The following ZBTB20 variants were observed in gnomAD, a reference collection of about 807,000 sequenced individuals.
The protein encoded by ZBTB20 is zinc finger and BTB domain containing 20.
ZBTB20 carries 9 observed loss-of-function variants against 56.9 expected under a neutral mutation model. The observed-to-expected ratio is 0.16, with a 90% CI of 0.10 to 0.28. ZBTB20 has a LOEUF of 0.28. Ranked by LOEUF, ZBTB20 falls within the 10% of genes least tolerant of loss-of-function variation. The pLI, the probability that ZBTB20 is intolerant of heterozygous loss-of-function variation, is 1.00. For missense variants in ZBTB20, 655 were observed against 1,003.0 expected (o/e 0.65, Z 4.69); for synonymous variants, 417 against 420.7 (o/e 0.99, Z 0.11).
At chr3:114,536,039 C>G (rs1340958243) in intron 6 of ZBTB20, among the ~76,000 whole-genome samples, 1 of 152,064 alleles carries the variant, frequency 6.6e-6, no homozygotes, top group African/African-American at 2.4e-5. Flanking sequence ...ACAGCCAATA[C>G]CATACTGAAT....
intron 10 of ZBTB20, among the ~76,000 whole-genome samples, chr3:114,360,935 A>G (rs2081802833): frequency 6.6e-6 from 1 of 152,184 alleles, no homozygotes; most frequent in East Asian, 1.9e-4. Context: ...GTGCTGTCAG[A>G]TAGAACTCAA....
Position 114,337,108 on chromosome 3 carries a change from T to A in ZBTB20, c.*1897A>T, listed in dbSNP as rs1317156131. ...AATGGTGGCTGTTGGCATCTGGGAA[T>A]TTTTTTGTTAATTTCCCTAAAACCT... is the stretch of plus-strand genomic sequence containing the variant. On this transcript the variant is annotated 3_prime_UTR_variant, in exon 12 of 12. Coordinates refer to ENST00000675478, the MANE Select transcript of ZBTB20 (RefSeq NM_001348800.3). The A allele has an allele frequency of 6.6e-6, 1 of 152,228 alleles. No homozygotes were observed. Among genetic ancestry groups the A allele is most frequent in the East Asian group, 1.9e-4 (1 of 5,198 alleles). 9.4% of individuals were successfully genotyped at this position (152,228 alleles called of 1,614,324 possible). A position where few individuals can be genotyped will look rare whatever the true frequency, so the allele number is the denominator to read the frequency against.
chr3:114,377,610 G>A (rs1435642409), intron 10 of ZBTB20, among the ~76,000 whole-genome samples: 1 of 152,136 alleles, frequency 6.6e-6, no homozygotes, highest in Non-Finnish European at 1.5e-5. Context: ...TTACAACCCA[G>A]TCACCAATAT....
intron 7 of ZBTB20, among the ~76,000 whole-genome samples, chr3:114,446,686 A>G (rs2091291807): frequency 6.6e-6 from 1 of 152,142 alleles, no homozygotes; most frequent in Non-Finnish European, 1.5e-5. Context: ...ATCTTCTGAG[A>G]AGCCGGCCTG....
intron 5 of ZBTB20, among the ~76,000 whole-genome samples, chr3:114,753,438 C>CGTATATATATAT (rs1560210058): frequency 1.9e-4 from 2 of 10,564 alleles, no homozygotes; most frequent in Admixed American, 1.8e-3. Flanking sequence ...TATATACACA[C>CGTATATATATAT]ACACTTTTTT....
At chr3:114,726,177 A>G (rs530489603) in intron 5 of ZBTB20, among the ~76,000 whole-genome samples, 1 of 152,292 alleles carries the variant, frequency 6.6e-6, no homozygotes, top group East Asian at 1.9e-4. Context: ...TGAATGGATA[A>G]TGCAGGAGAG....
chr3:114,678,571 T>C (rs2061775325), intron 6 of ZBTB20, among the ~76,000 whole-genome samples: 1 of 152,184 alleles, frequency 6.6e-6, no homozygotes, highest in Non-Finnish European at 1.5e-5. Flanking sequence ...CATGTATACG[T>C]CGCAGAATCA....
chr3:114,945,942 A>C (rs1426485910), intron 3 of ZBTB20, among the ~76,000 whole-genome samples: 1 of 145,500 alleles, frequency 6.9e-6, no homozygotes, highest in Non-Finnish European at 1.5e-5. Context: ...AAGAGCATTA[A>C]ATAATACTAG....
Position 114,350,695 on chromosome 3 carries a change from C to A in ZBTB20, c.1383G>T (p.Ser461=). ...SSDKSVLQQP[S]VNTSIGQPLP... ...ATGGCTGCCCGATGGACGTGTTGAC[C>A]GAAGGCTGTTGTAGGACGCTCTTGT... The change falls in exon 11 of 12, where the codon TCG becomes TCT. Residue 461 remains serine (S), a synonymous_variant. Transcript: ENST00000675478. The A allele has an allele frequency of 1.2e-6, 2 of 1,614,166 alleles. No homozygotes were observed. Among genetic ancestry groups the A allele is most frequent in the Non-Finnish European group, 1.7e-6 (2 of 1,180,028 alleles).
intron 2 of ZBTB20, among the ~76,000 whole-genome samples, chr3:115,053,094 C>T (rs1332686032): frequency 6.6e-6 from 1 of 152,106 alleles, no homozygotes; most frequent in African/African-American, 2.4e-5. Context: ...AGTAATTCCC[C>T]CTGAACTAAA....
At chr3:114,996,078 T>C (rs1304514110) in intron 2 of ZBTB20, among the ~76,000 whole-genome samples, 2 of 151,846 alleles carry the variant, frequency 1.3e-5, no homozygotes, top group Non-Finnish European at 2.9e-5. Context: ...GTAAATAAGA[T>C]AGCAATTATC....
rs367655548 is a variant in ZBTB20 at position 114,896,474 on chromosome 3, C to T, written c.-417+3830G>A. 1.1e-4 allele frequency among the ~76,000 whole-genome samples: 16 copies of T among 152,124 alleles called. No homozygotes were observed. In the South Asian group the frequency reaches 1.2e-3, roughly 12 times the overall value. On this transcript the variant is annotated intron_variant, in intron 4 of 11. Coordinates refer to ENST00000675478, the MANE Select transcript of ZBTB20 (RefSeq NM_001348800.3). ...ACATGGATGAATGCTGAGGACATTA[C>T]GCTAAGTGAAATAAGCCAAACACGA...
chr3:115,028,869 C>T (rs749587654), intron 2 of ZBTB20, among the ~76,000 whole-genome samples: 62 of 150,626 alleles, frequency 4.1e-4, no homozygotes, highest in Non-Finnish European at 1.8e-4. Flanking sequence ...TGACACTACA[C>T]CTAATGGTGA....
intron 10 of ZBTB20, chr3:114,352,100 G>A (rs2080732413): frequency 8.5e-6 from 5 of 586,876 alleles, no homozygotes; most frequent in Admixed American, 6.5e-5. Flanking sequence ...CTTTAGTGCC[G>A]CAGCCATTTT....
intron 8 of ZBTB20, among the ~76,000 whole-genome samples, chr3:114,381,819 G>C (rs2084380747): frequency 1.3e-5 from 2 of 152,230 alleles, no homozygotes; most frequent in African/African-American, 2.4e-5. Flanking sequence ...AGGAGGCAGA[G>C]ATGGCATGGC....
chr3:114,926,933 C>T (rs759107977), intron 3 of ZBTB20, among the ~76,000 whole-genome samples: 3 of 152,026 alleles, frequency 2.0e-5, no homozygotes, highest in East Asian at 1.9e-4. Flanking sequence ...TGTAGACATA[C>T]GGTCTCACTA....
At chr3:114,649,160 A>C (rs2060000230) in intron 6 of ZBTB20, among the ~76,000 whole-genome samples, 2 of 152,034 alleles carry the variant, frequency 1.3e-5, no homozygotes, top group Non-Finnish European at 2.9e-5. Context: ...AAAATACACT[A>C]TAAACTATAT....
At chr3:114,560,340 C>T (rs1227085187) in intron 6 of ZBTB20, among the ~76,000 whole-genome samples, 2 of 152,184 alleles carry the variant, frequency 1.3e-5, no homozygotes, top group African/African-American at 4.8e-5. Context: ...ATGATGACAG[C>T]AACAGCAGCT....
intron 3 of ZBTB20, among the ~76,000 whole-genome samples, chr3:114,961,530 G>C (rs774283998): frequency 6.6e-6 from 1 of 152,006 alleles, no homozygotes; most frequent in South Asian, 2.1e-4. Flanking sequence ...GACAAGTCTC[G>C]GTTGGAAGTC....
Sources: allele counts gnomAD v4.1 joint callset (sites outside exome capture counted in the v4.1 genomes callset), GRCh38; gene constraint gnomAD v4.1.1; transcripts MANE v1.5; gene names NCBI Gene and HGNC (gene_info 2026-07-23, HGNC 2026-07-21).